The following RPLP1 variants were observed in gnomAD, a reference collection of about 807,000 sequenced individuals.
The protein encoded by RPLP1 is large ribosomal subunit protein P1.
A neutral mutation model predicts 11.6 loss-of-function variants in RPLP1; 4 were observed. The ratio of observed to expected loss-of-function variants is 0.34; its 90% confidence interval spans 0.17 to 0.79. RPLP1 has a LOEUF of 0.79. Among genes scored for constraint, RPLP1 ranks in the 30% least tolerant of loss-of-function variants. The probability of loss-of-function intolerance (pLI) is 0.55; values close to 1 mark genes in which losing one functional copy is unlikely to be tolerated. For missense variants in RPLP1, 133 were observed against 142.8 expected, an observed-to-expected ratio of 0.93 and a Z score of 0.35; for synonymous variants, 54 against 52.2, an observed-to-expected ratio of 1.03 and a Z score of -0.15.
rs11554448 is a variant in RPLP1 at position 69,452,915 on chromosome 15, G to A, written c.-34G>A. On this transcript the variant is annotated 5_prime_UTR_variant, in exon 1 of 4. Transcript: ENST00000260379. Reference sequence around the variant, plus strand: ...CACTTCATCCGGCGACTAGCACCGCGTCCGGCAGCGCCAGCCCTACACTCG... The same window carrying A: ...CACTTCATCCGGCGACTAGCACCGCATCCGGCAGCGCCAGCCCTACACTCG... 2.0e-5 allele frequency: 31 copies of A among 1,556,648 alleles called. No individual in the cohort carries two copies. Among genetic ancestry groups the A allele is most frequent in the Middle Eastern group, 2.1e-4 (1 of 4,828 alleles).
At chr15:69,453,375 TC>T in intron 1 of RPLP1, 2 of 581,542 alleles carry the variant, frequency 3.4e-6, no homozygotes, top group East Asian at 2.9e-5. Context: ...TGCCTTGAAT[TC>T]CCCCGGTCGT....
At chr15:69,453,201 C>T in intron 1 of RPLP1, 181 bp downstream of exon 1, 1 of 616,826 alleles carries the variant, frequency 1.6e-6, no homozygotes, top group Non-Finnish European at 2.8e-6. Flanking sequence ...AGGTCCTGGG[C>T]CCCCGGGACC....
rs773161187 is a variant in RPLP1, at chr15:69,455,273, C to G, written c.251C>G (p.Thr84Ser). The G allele has an allele frequency of 1.1e-5, 17 of 1,560,772 alleles. No homozygotes were observed. Among genetic ancestry groups the G allele is most frequent in the Non-Finnish European group, 1.5e-5 (17 of 1,157,408 alleles). ...AAPAGGPAPS[T>S]AAAPAEEKKV... ...CCAGCAGGAGGTCCTGCCCCCTCCA[C>G]TGCTGCTGCTCCAGGTAGGAAACAT... is the stretch of plus-strand genomic sequence containing the variant. Residue 84 changes from threonine (T) to serine (S), a missense_variant, in exon 3 of 4, where the codon ACT becomes AGT. By Grantham distance (58) the Thr-to-Ser change is moderately conservative. Coordinates refer to ENST00000260379, the MANE Select transcript of RPLP1 (RefSeq NM_001003.3).
Position 69,453,657 on chromosome 15 carries a change from T to A in RPLP1, c.83T>A (p.Ile28Asn). Residue 28 changes from isoleucine (I) to asparagine (N), a missense_variant, in exon 2 of 4, where the codon ATC (isoleucine) becomes AAC (asparagine). Physicochemically the swap from Ile to Asn is moderately radical, Grantham distance 149. Coordinates refer to ENST00000260379, the MANE Select transcript of RPLP1 (RefSeq NM_001003.3). ...DDEVTVTEDK[I>N]NALIKAAGVN... ...TTTTATTTGTTGTAGGAGGATAAGA[T>A]CAATGCCCTCATTAAAGCAGCCGGT... 1.2e-6 allele frequency: 2 copies of A among 1,614,094 alleles called. No individual in the cohort carries two copies. Among genetic ancestry groups the A allele is most frequent in the Non-Finnish European group, 8.5e-7 (1 of 1,179,934 alleles).
At position 69,452,923 on chromosome 15, in the gene RPLP1, G is replaced by A. The variant is rs1391339768; in HGVS notation, c.-26G>A. ...CCGGCGACTAGCACCGCGTCCGGCAGCGCCAGCCCTACACTCGCCCGCGCC... is the reference window on the plus strand; with the variant it reads ...CCGGCGACTAGCACCGCGTCCGGCAACGCCAGCCCTACACTCGCCCGCGCC... On this transcript the variant is annotated 5_prime_UTR_variant, in exon 1 of 4. Transcript: ENST00000260379. 2 of 1,563,028 alleles carry A rather than the reference G, an allele frequency of 1.3e-6. No individual in the cohort carries two copies. Among genetic ancestry groups the A allele is most frequent in the Non-Finnish European group, 1.7e-6 (2 of 1,156,502 alleles).
chr15:69,455,067 G>C (rs75215491), intron 2 of RPLP1, 103 bp from the exon 3 acceptor site: 29 of 1,475,170 alleles, frequency 2.0e-5, no homozygotes, highest in Non-Finnish European at 2.4e-5. Flanking sequence ...GTTAGGGGTT[G>C]ATCACTGTAA....
rs1253353560 is a variant in RPLP1 at position 69,456,110 on chromosome 15, T to G, written c.*603T>G. 6.6e-6 allele frequency: 1 copy of G among 152,266 alleles called. No individual in the cohort carries two copies. Among genetic ancestry groups the G allele is most frequent in the East Asian group, 1.9e-4 (1 of 5,206 alleles). The allele number at this position is 152,266 out of a possible 1,614,324, so 9.4% of individuals were successfully genotyped here. ...TGTTCCAAAAACTAAGAGCTTTTTTTGTTTGCCAATTAATAATACCATGAA... is the reference window on the plus strand; with the variant it reads ...TGTTCCAAAAACTAAGAGCTTTTTTGGTTTGCCAATTAATAATACCATGAA... On this transcript the variant is annotated 3_prime_UTR_variant, in exon 4 of 4. Coordinates refer to ENST00000260379, the MANE Select transcript of RPLP1 (RefSeq NM_001003.3).
rs182191938 is a variant in RPLP1 at position 69,453,947 on chromosome 15, A to T, written c.147+226A>T. On this transcript the variant is annotated intron_variant, in intron 2 of 3. Coordinates refer to ENST00000260379, the MANE Select transcript of RPLP1 (RefSeq NM_001003.3). Reference sequence around the variant, plus strand: ...TCCCTTTTGCTCTGAAACCATGGTTAAAAAAAATGTGAATCAGGTCATTTA... The same window carrying T: ...TCCCTTTTGCTCTGAAACCATGGTTTAAAAAAATGTGAATCAGGTCATTTA... The T allele has an allele frequency of 1.9e-3, 991 of 533,680 alleles. 10 individuals are homozygous for T. The highest frequency in any genetic ancestry group is 0.018 in the African/African-American group (934 of 52,048). 33.1% of individuals were successfully genotyped at this position (533,680 alleles called of 1,614,324 possible). A position where few individuals can be genotyped will look rare whatever the true frequency, so the allele number is the denominator to read the frequency against.
intron 2 of RPLP1, 178 bp from the exon 3 acceptor site, chr15:69,454,992 T>G: frequency 1.3e-6 from 1 of 798,886 alleles, no homozygotes; most frequent in Middle Eastern, 4.3e-4. Flanking sequence ...GAAGTCTACA[T>G]GTTTGGTACA....
Position 69,455,154 on chromosome 15 carries a change from T to A in RPLP1, c.148-16T>A, listed in dbSNP as rs1204056990. Reference sequence around the variant, plus strand: ...ACAGAACTGGGCGTTTACCTATGCATGCACATGTATTGCAGGCCCTGGCCA... The same window carrying A: ...ACAGAACTGGGCGTTTACCTATGCAAGCACATGTATTGCAGGCCCTGGCCA... On this transcript the variant is annotated splice_polypyrimidine_tract_variant and intron_variant, in intron 2 of 3. Transcript: ENST00000260379. 1.3e-6 allele frequency: 2 copies of A among 1,554,260 alleles called. No homozygotes were observed. Among genetic ancestry groups the A allele is most frequent in the Middle Eastern group, 2.3e-4 (1 of 4,266 alleles).
Position 69,455,241 on chromosome 15 carries a change from T to A in RPLP1, c.219T>A (p.Gly73=), listed in dbSNP as rs577649307. Reference sequence around the variant, plus strand: ...CCGGTGGACCTGCTCCAGCAGCTGGTGCTGCACCAGCAGGAGGTCCTGCCC... The same window carrying A: ...CCGGTGGACCTGCTCCAGCAGCTGGAGCTGCACCAGCAGGAGGTCCTGCCC... ...VGAGGPAPAA[G]AAPAGGPAPS... is the part of the protein sequence containing the mutation. The change falls in exon 3 of 4, where the codon GGT becomes GGA. Residue 73 remains glycine (G), a synonymous_variant. Transcript: ENST00000260379. The A allele has an allele frequency of 6.2e-7, 1 of 1,603,766 alleles. No individual in the cohort carries two copies. The highest frequency in any genetic ancestry group is 1.1e-5 in the South Asian group (1 of 89,696).
rs1186704969 is a variant in RPLP1 at position 69,453,365 on chromosome 15, T to G, written c.73-282T>G. On this transcript the variant is annotated intron_variant, in intron 1 of 3. Transcript: ENST00000260379. ...TTACTCGGACCTCTTTCGGTGTAAT[T>G]GCCTTGAATTCCCCCGGTCGTGGAG... The G allele has an allele frequency of 6.9e-6, 4 of 580,106 alleles. No homozygotes were observed. The African/African-American group carries it at 7.5e-5, about 11-fold the overall frequency. The allele number at this position is 580,106 out of a possible 1,614,324, so 35.9% of individuals were successfully genotyped here. A position where few individuals can be genotyped will look rare whatever the true frequency, so the allele number is the denominator to read the frequency against.
At position 69,455,448 on chromosome 15, in the gene RPLP1, G is replaced by A; in HGVS notation, c.286G>A (p.Ala96Thr). 1 of 1,611,870 alleles carries A rather than the reference G, an allele frequency of 6.2e-7. No homozygotes were observed. Among genetic ancestry groups the A allele is most frequent in the Non-Finnish European group, 8.5e-7 (1 of 1,179,608 alleles). ...TCTAGCTGAGGAGAAGAAAGTGGAA[G>A]CAAAGAAAGAAGAATCCGAGGAGTC... ...AAPAEEKKVE[A>T]KKEESEESDD... The change falls in exon 4 of 4, where the codon GCA (alanine) becomes ACA (threonine). Residue 96 changes from alanine to threonine, a missense_variant. Transcript: ENST00000260379.
rs368969206 is a variant in RPLP1 at position 69,453,084 on chromosome 15, G to T, written c.72+64G>T. Reference sequence around the variant, plus strand: ...GGCGGTGACTTTCGGCTCTCCATGCGGTTCCCGGCTCCAGGCCGTTCGACT... The same window carrying T: ...GGCGGTGACTTTCGGCTCTCCATGCTGTTCCCGGCTCCAGGCCGTTCGACT... On this transcript the variant is annotated intron_variant, in intron 1 of 3. Transcript: ENST00000260379. The T allele has an allele frequency of 1.6e-4, 227 of 1,420,050 alleles. No individual in the cohort carries two copies. The African/African-American group carries it at 2.8e-3, about 18-fold the overall frequency. The allele number at this position is 1,420,050 out of a possible 1,614,324, so 88.0% of individuals were successfully genotyped here. A position where few individuals can be genotyped will look rare whatever the true frequency, so the allele number is the denominator to read the frequency against.
At chr15:69,455,029 C>T in intron 2 of RPLP1, 141 bp from the exon 3 acceptor site, 1 of 1,222,156 alleles carries the variant, frequency 8.2e-7, no homozygotes, top group Non-Finnish European at 1.1e-6. Context: ...CTGTTGAATC[C>T]ATGGATGTGG....
At position 69,455,573 on chromosome 15, in the gene RPLP1, G is replaced by C; in HGVS notation, c.*66G>C. 1 of 1,233,010 alleles carries C rather than the reference G, an allele frequency of 8.1e-7. No individual in the cohort carries two copies. The highest frequency in any genetic ancestry group is 1.1e-6 in the Non-Finnish European group (1 of 875,068). The allele number at this position is 1,233,010 out of a possible 1,614,324, so 76.4% of individuals were successfully genotyped here. A position where few individuals can be genotyped will look rare whatever the true frequency, so the allele number is the denominator to read the frequency against. On this transcript the variant is annotated 3_prime_UTR_variant, in exon 4 of 4. Transcript: ENST00000260379. Reference sequence around the variant, plus strand: ...TGCTGTTGGTCTTGTCCATAGTTTTGGAATGTGCTCTGCAAAAATGGTCTG... The same window carrying C: ...TGCTGTTGGTCTTGTCCATAGTTTTCGAATGTGCTCTGCAAAAATGGTCTG...
At chr15:69,453,581 C>A in intron 1 of RPLP1, 66 bp from the exon 2 acceptor site, 1 of 1,497,538 alleles carries the variant, frequency 6.7e-7, no homozygotes, top group Non-Finnish European at 9.3e-7. Flanking sequence ...TATTGAGTGA[C>A]GTGCAGCATT....
chr15:69,454,530 A>G (rs1229547482), intron 2 of RPLP1: 1 of 152,246 alleles, frequency 6.6e-6, no homozygotes, highest in Non-Finnish European at 1.5e-5. Flanking sequence ...AGCTAATAGC[A>G]TCTAACTCCA....
At position 69,455,743 on chromosome 15, in the gene RPLP1, C is replaced by A; in HGVS notation, c.*236C>A. 1 of 530,200 alleles carries A rather than the reference C, an allele frequency of 1.9e-6. No homozygotes were observed. Among genetic ancestry groups the A allele is most frequent in the East Asian group, 3.2e-5 (1 of 31,108 alleles). 32.8% of individuals were successfully genotyped at this position (530,200 alleles called of 1,614,324 possible). A position where few individuals can be genotyped will look rare whatever the true frequency, so the allele number is the denominator to read the frequency against. On this transcript the variant is annotated 3_prime_UTR_variant, in exon 4 of 4. Coordinates refer to ENST00000260379, the MANE Select transcript of RPLP1 (RefSeq NM_001003.3). ...AGTGTTGAAAACTGCACTGGGGTGG[C>A]AGGAGGAAGGATCAGAGCAGATGCT... is the stretch of plus-strand genomic sequence containing the variant.
Sources: allele counts gnomAD v4.1 joint callset, GRCh38; gene constraint gnomAD v4.1.1; transcripts MANE v1.5; gene names NCBI Gene and HGNC (gene_info 2026-07-23, HGNC 2026-07-21).